ANO10: variants seen among roughly 807,000 people sequenced by gnomAD.
ANO10 encodes the protein anoctamin-10.
Under a neutral mutation model 74.7 loss-of-function variants are expected in ANO10, and 77 were observed. That is an observed-to-expected ratio of 1.03 (90% CI 0.86 to 1.25). The LOEUF (loss-of-function observed/expected upper bound fraction) is 1.25. Among genes scored for constraint, ANO10 ranks in the 50% most tolerant of loss-of-function variants. The pLI, the probability that ANO10 is intolerant of heterozygous loss-of-function variation, is 0.00. For missense variants in ANO10, 721 were observed against 778.1 expected, an observed-to-expected ratio of 0.93 and a Z score of 0.87; for synonymous variants, 279 against 284.9, an observed-to-expected ratio of 0.98 and a Z score of 0.21.
chr3:43,551,078 T>G (rs2079435495), intron 10 of ANO10, among the ~76,000 whole-genome samples: 1 of 152,336 alleles, frequency 6.6e-6, no homozygotes, highest in African/African-American at 2.4e-5. Flanking sequence ...GCTTCTGCAT[T>G]TTATTACATG....
chr3:43,623,190 A>G (rs2083456358), upstream of ANO10, among the ~76,000 whole-genome samples: 1 of 152,146 alleles, frequency 6.6e-6, no homozygotes, highest in Non-Finnish European at 1.5e-5. Context: ...TTAGTTACCC[A>G]GGGTCTACCA....
At chr3:43,673,102 T>C (rs1222152678) in intron 1 of ANO10, among the ~76,000 whole-genome samples, 1 of 152,238 alleles carries the variant, frequency 6.6e-6, no homozygotes, top group African/African-American at 2.4e-5. Flanking sequence ...TAGACAATCA[T>C]GACATATTTC....
intron 4 of ANO10, among the ~76,000 whole-genome samples, chr3:43,593,792 T>C (rs1030163459): frequency 4.6e-5 from 7 of 152,048 alleles, no homozygotes; most frequent in Non-Finnish European, 1.5e-5. Context: ...GGCTAAATGC[T>C]CCAATTAAAA....
intron 4 of ANO10, among the ~76,000 whole-genome samples, chr3:43,595,336 C>T (rs897361716): frequency 1.3e-5 from 2 of 152,178 alleles, no homozygotes; most frequent in African/African-American, 4.8e-5. Flanking sequence ...ATCAATATCC[C>T]TGATGAACAT....
At chr3:43,432,117 C>CTTTTTTTTTT (rs796692983) in intron 12 of ANO10, among the ~76,000 whole-genome samples, 1 of 133,956 alleles carries the variant, frequency 7.5e-6, no homozygotes, top group Non-Finnish European at 1.6e-5. Flanking sequence ...TCCAGCATGG[C>CTTTTTTTTTT]TTTTTTTTTT....
chr3:43,517,171 T>C (rs1430840210), intron 11 of ANO10, among the ~76,000 whole-genome samples: 1 of 152,228 alleles, frequency 6.6e-6, no homozygotes, highest in Non-Finnish European at 1.5e-5. Flanking sequence ...AAACATTCAA[T>C]GTTTTACACA....
intron 12 of ANO10, among the ~76,000 whole-genome samples, chr3:43,425,564 A>G (rs2092887462): frequency 2.0e-5 from 3 of 152,092 alleles, no homozygotes; most frequent in Admixed American, 6.5e-5. Flanking sequence ...CAGCCATGAC[A>G]GGGAGGTTGG....
chr3:43,640,026 G>A (rs961791724), intron 1 of ANO10, among the ~76,000 whole-genome samples: 6 of 152,082 alleles, frequency 3.9e-5, no homozygotes, highest in Non-Finnish European at 7.4e-5. Flanking sequence ...GTGAAAGTGG[G>A]GTGGTAAAGG....
At chr3:43,408,846 A>G (rs1483162444) in intron 12 of ANO10, among the ~76,000 whole-genome samples, 2 of 152,042 alleles carry the variant, frequency 1.3e-5, no homozygotes, top group Non-Finnish European at 2.9e-5. Context: ...CCTGGCCAAC[A>G]TGGTGAAACC....
At chr3:43,444,959 T>TA (rs2148977233) in intron 11 of ANO10, among the ~76,000 whole-genome samples, 1 of 151,762 alleles carries the variant, frequency 6.6e-6, no homozygotes, top group Admixed American at 6.6e-5. Context: ...CCGTCTCTAC[T>TA]AAAAATACAA....
At chr3:43,523,243 T>C (rs2078038489) in intron 11 of ANO10, among the ~76,000 whole-genome samples, 1 of 152,068 alleles carries the variant, frequency 6.6e-6, no homozygotes, top group African/African-American at 2.4e-5. Context: ...CTCATTCCAT[T>C]GGAGGAGTCA....
At chr3:43,377,708 C>T (rs990383195) in intron 12 of ANO10, among the ~76,000 whole-genome samples, 14 of 152,134 alleles carry the variant, frequency 9.2e-5, no homozygotes, top group Non-Finnish European at 1.5e-4. Flanking sequence ...CGTGGCCAGG[C>T]CAGTGGACAC....
intron 11 of ANO10, among the ~76,000 whole-genome samples, chr3:43,440,929 A>G (rs934030685): frequency 6.6e-6 from 1 of 152,138 alleles, no homozygotes; most frequent in Admixed American, 6.5e-5. Context: ...GTGGAAATTA[A>G]CATTCTTGAA....
intron 11 of ANO10, chr3:43,485,023 G>A: frequency 6.9e-7 from 1 of 1,458,904 alleles, no homozygotes; most frequent in Non-Finnish European, 9.3e-7. Context: ...TGTGCTGACG[G>A]CTCAGGACCC....
At chr3:43,610,957 A>C (rs755841807) in intron 1 of ANO10, among the ~76,000 whole-genome samples, 6 of 152,204 alleles carry the variant, frequency 3.9e-5, no homozygotes, top group Non-Finnish European at 5.9e-5. Context: ...TATCAAGAGA[A>C]TCTTCAAGAC....
At chr3:43,520,166 C>G (rs1405042467) in intron 11 of ANO10, among the ~76,000 whole-genome samples, 1 of 152,172 alleles carries the variant, frequency 6.6e-6, no homozygotes, top group South Asian at 2.1e-4. Flanking sequence ...ATACAACTTT[C>G]CTTCTTGCCA....
chr3:43,686,257 G>T (rs2084273344), intron 1 of ANO10, among the ~76,000 whole-genome samples: 1 of 152,102 alleles, frequency 6.6e-6, no homozygotes, highest in Admixed American at 6.5e-5. Context: ...AATACTAGAA[G>T]GGACCTCAAG....
chr3:43,481,957 T>C (rs555619230), intron 11 of ANO10, among the ~76,000 whole-genome samples: 1 of 148,716 alleles, frequency 6.7e-6, no homozygotes, highest in African/African-American at 2.5e-5. Flanking sequence ...AGACAGAGTC[T>C]TGCTCTTGTC....
Position 43,600,592 on chromosome 3 carries a change from A to C in ANO10, c.140-11T>G. 6.3e-7 allele frequency: 1 copy of C among 1,583,338 alleles called. No individual in the cohort carries two copies. The highest frequency in any genetic ancestry group is 8.7e-7 in the Non-Finnish European group (1 of 1,152,234). ...ACAACAACTGGGCACCTTCAAAAAC[A>C]AAAGATAAGCACAATCTTAGACAAA... On this transcript the variant is annotated splice_polypyrimidine_tract_variant and intron_variant, in intron 2 of 12. Coordinates refer to ENST00000292246, the MANE Select transcript of ANO10 (RefSeq NM_018075.5).
Sources: allele counts gnomAD v4.1 joint callset (sites outside exome capture counted in the v4.1 genomes callset), GRCh38; gene constraint gnomAD v4.1.1; transcripts MANE v1.5; gene names NCBI Gene and HGNC (gene_info 2026-07-23, HGNC 2026-07-21).